Variants in ADAMTSL1 observed in about 807,000 individuals in gnomAD.
The protein encoded by ADAMTSL1 is ADAMTS like 1, also known as ADAMTS-like protein 1.
Under a neutral mutation model 201.8 loss-of-function variants are expected in ADAMTSL1, and 126 were observed. The observed-to-expected ratio is 0.62, with a 90% confidence interval of 0.54 to 0.72. The LOEUF is 0.72. Among genes scored for constraint, ADAMTSL1 ranks in the 30% least tolerant of loss-of-function variants. ADAMTSL1 has a pLI of 0.00. For missense variants in ADAMTSL1, 2,679 were observed against 2,277.8 expected (o/e 1.18, Z -3.59); for synonymous variants, 1,121 against 903.4 (o/e 1.24, Z -4.32).
intron 2 of ADAMTSL1, among the ~76,000 whole-genome samples, chr9:18,215,195 C>A (rs1830017817): frequency 6.6e-6 from 1 of 152,014 alleles, no homozygotes; most frequent in Non-Finnish European, 1.5e-5. Context: ...ATAAAGTGGC[C>A]ATCTCTGAAT....
intron 23 of ADAMTSL1, among the ~76,000 whole-genome samples, chr9:18,838,128 C>T (rs1399354748): frequency 6.6e-6 from 1 of 151,940 alleles, no homozygotes; most frequent in East Asian, 1.9e-4. Flanking sequence ...CAAGGAGAAG[C>T]AAGTCACGTC....
In ADAMTSL1 at chr9:18,201,344, T is replaced by A. The variant is rs115610582; in HGVS notation, c.207+37363T>A. 1.2e-3 allele frequency among the ~76,000 whole-genome samples: 176 copies of A among 152,268 alleles called. 1 individual carries two copies. Among genetic ancestry groups the A allele is most frequent in the African/African-American group, 4.1e-3 (169 of 41,576 alleles). On this transcript the variant is annotated intron_variant, in intron 2 of 29. Transcript: ENST00000680146. ...TCTACTGTATTGGATGATGTCGAGT[T>A]ATCTTTGATTAAGAAGAGCATGCTT...
At chr9:18,792,463 G>A (rs767973511) in intron 19 of ADAMTSL1, among the ~76,000 whole-genome samples, 5 of 152,176 alleles carry the variant, frequency 3.3e-5, no homozygotes, top group East Asian at 1.9e-4. Context: ...TCCAAGAACC[G>A]TTTTCTGTAG....
chr9:18,818,671 T>C (rs1419310617), intron 21 of ADAMTSL1, among the ~76,000 whole-genome samples: 1 of 152,026 alleles, frequency 6.6e-6, no homozygotes, highest in African/African-American at 2.4e-5. Flanking sequence ...CGCATGCCTA[T>C]AGTCTCAGCT....
chr9:18,785,301 T>C (rs1387778562), intron 19 of ADAMTSL1, among the ~76,000 whole-genome samples: 5 of 152,232 alleles, frequency 3.3e-5, no homozygotes, highest in East Asian at 1.9e-4. Flanking sequence ...TGGGGTCAAC[T>C]AGACCCAGCA....
rs982186392 is a variant in ADAMTSL1 at position 18,594,166 on chromosome 9, C to T, written c.474+19900C>T. Among the ~76,000 whole-genome samples the T allele has an allele frequency of 4.6e-5, 7 of 151,562 alleles. No homozygotes were observed. In the East Asian group the frequency reaches 1.4e-3, roughly 29 times the overall value. ...TTTTTGTTGACATTTTTTTTTCCTT[C>T]AGCGTTCTGAGCGTATTTTCCCACT... On this transcript the variant is annotated intron_variant, in intron 4 of 28. Transcript: ENST00000380548.
At chr9:18,488,386 T>C (rs887078062) in intron 1 of ADAMTSL1, among the ~76,000 whole-genome samples, 1 of 152,194 alleles carries the variant, frequency 6.6e-6, no homozygotes. Flanking sequence ...CAGACACTTG[T>C]TAAAATTATG....
chr9:18,156,541 A>C (rs1260090334), intron 1 of ADAMTSL1, among the ~76,000 whole-genome samples: 1 of 151,798 alleles, frequency 6.6e-6, no homozygotes, highest in Non-Finnish European at 1.5e-5. Context: ...TTTCACCCTA[A>C]CATTCTCCTC....
intron 15 of ADAMTSL1, among the ~76,000 whole-genome samples, chr9:18,735,851 T>C (rs1350999222): frequency 6.9e-6 from 1 of 145,660 alleles, no homozygotes; most frequent in Non-Finnish European, 1.5e-5. Context: ...CCTGGGCTCA[T>C]AAAGCTTATG....
intron 1 of ADAMTSL1, among the ~76,000 whole-genome samples, chr9:18,009,541 G>A (rs1474629175): frequency 1.3e-5 from 2 of 152,012 alleles, no homozygotes; most frequent in African/African-American, 4.8e-5. Context: ...ATTATTTATG[G>A]TGAAGAACTT....
chr9:18,248,057 G>T (rs143691786), intron 2 of ADAMTSL1, among the ~76,000 whole-genome samples: 5 of 152,236 alleles, frequency 3.3e-5, no homozygotes, highest in African/African-American at 1.2e-4. Context: ...TTGTGTACTG[G>T]CTGGGTGTAT....
intron 1 of ADAMTSL1, among the ~76,000 whole-genome samples, chr9:17,913,605 A>C (rs1183321433): frequency 1.3e-5 from 2 of 152,200 alleles, no homozygotes; most frequent in Admixed American, 6.5e-5. Context: ...CATCACAATT[A>C]AAAGAACTAG....
intron 4 of ADAMTSL1, among the ~76,000 whole-genome samples, chr9:18,612,844 C>G (rs2132615982): frequency 6.6e-6 from 1 of 152,198 alleles, no homozygotes; most frequent in East Asian, 1.9e-4. Flanking sequence ...CCAAAACCAA[C>G]AGAAGCAAAA....
At chr9:18,294,165 A>C (rs1245668688) in intron 2 of ADAMTSL1, among the ~76,000 whole-genome samples, 1 of 152,202 alleles carries the variant, frequency 6.6e-6, no homozygotes, top group African/African-American at 2.4e-5. Flanking sequence ...ATTTCACGCC[A>C]AAAATCGTCT....
intron 2 of ADAMTSL1, among the ~76,000 whole-genome samples, chr9:18,449,091 G>T (rs111413445): frequency 1.9e-3 from 248 of 130,518 alleles, no homozygotes; most frequent in African/African-American, 5.7e-3. Flanking sequence ...TTTAACTTCC[G>T]CATTTATTCA....
rs772034324 is a variant in ADAMTSL1 at position 18,366,627 on chromosome 9, ATTTTTTTTT to A, written c.208-138170_208-138162del. On this transcript the variant is annotated intron_variant, in intron 2 of 29. Coordinates refer to the ADAMTSL1 transcript ENST00000680146. ...ATGGATAGTGCCTCTGAAATCACTA[ATTTTTTTTT>A]TTTTTTTTTTTTTTTTTTTTTTTTT... Among the ~76,000 whole-genome samples, 52 of 112,784 alleles carry A rather than the reference ATTTTTTTTT, an allele frequency of 4.6e-4. No individual in the cohort carries two copies. In the East Asian group the frequency reaches 6.4e-3, roughly 14 times the overall value. The allele number at this position is 112,784 out of a possible 152,430, so 74.0% of individuals were successfully genotyped here.
chr9:18,024,195 T>C (rs935524918), intron 1 of ADAMTSL1, among the ~76,000 whole-genome samples: 1 of 152,200 alleles, frequency 6.6e-6, no homozygotes, highest in African/African-American at 2.4e-5. Flanking sequence ...ACTATGGTCA[T>C]TAAAACAAAG....
intron 2 of ADAMTSL1, 130 bp from the exon 3 acceptor site, chr9:18,533,117 C>A: frequency 1.6e-6 from 1 of 623,998 alleles, no homozygotes; most frequent in East Asian, 2.8e-5. Context: ...ATAGTAAACC[C>A]TCTAAGAACA....
chr9:18,283,607 TAA>T (rs34012085), intron 2 of ADAMTSL1, among the ~76,000 whole-genome samples: 3 of 60,754 alleles, frequency 4.9e-5, no homozygotes, highest in African/African-American at 7.2e-5. Flanking sequence ...AACTGTATCT[TAA>T]AAAAAAAAAA....
Sources: allele counts gnomAD v4.1 joint callset (sites outside exome capture counted in the v4.1 genomes callset), GRCh38; gene constraint gnomAD v4.1.1; transcripts MANE v1.5; gene names NCBI Gene and HGNC (gene_info 2026-07-23, HGNC 2026-07-21).